GRM1: variants seen among roughly 807,000 people sequenced by gnomAD.
GRM1 encodes glutamate metabotropic receptor 1.
In GRM1, 33 loss-of-function variants were observed where a neutral mutation model predicts 90.9. The ratio of observed to expected loss-of-function variants is 0.36; its 90% confidence interval spans 0.28 to 0.49. The LOEUF (loss-of-function observed/expected upper bound fraction) is 0.49, where lower values mean the gene tolerates loss of function less well. GRM1 is among the 20% of genes least tolerant of loss of function. GRM1 has a pLI of 0.99. For missense variants in GRM1, 1,190 were observed against 1,534.3 expected (o/e 0.78, Z 3.75); for synonymous variants, 700 against 613.2 (o/e 1.14, Z -2.09).
chr6:146,111,030 AGC>A (rs1364855087), intron 1 of GRM1, among the ~76,000 whole-genome samples: 4 of 152,246 alleles, frequency 2.6e-5, no homozygotes, highest in African/African-American at 9.6e-5. Flanking sequence ...GTCCATACAC[AGC>A]TGGCTGCAAG....
chr6:146,055,761 G>A (rs549287418), intron 1 of GRM1, among the ~76,000 whole-genome samples: 35 of 152,204 alleles, frequency 2.3e-4, no homozygotes, highest in African/African-American at 8.4e-4. Context: ...ATAAATGATT[G>A]CCAACTAAAA....
intron 2 of GRM1, among the ~76,000 whole-genome samples, chr6:146,178,339 G>A (rs1778411438): frequency 6.6e-6 from 1 of 152,120 alleles, no homozygotes; most frequent in Non-Finnish European, 1.5e-5. Flanking sequence ...GAGGTAAAGT[G>A]CCATTTTCAT....
At chr6:146,204,341 G>A (rs1335112653) in intron 2 of GRM1, among the ~76,000 whole-genome samples, 3 of 152,170 alleles carry the variant, frequency 2.0e-5, no homozygotes, top group South Asian at 2.1e-4. Flanking sequence ...TTTCCTGAAC[G>A]TTTACGGTTA....
At chr6:146,122,926 C>A (rs1413261880) in intron 1 of GRM1, among the ~76,000 whole-genome samples, 1 of 138,064 alleles carries the variant, frequency 7.2e-6, no homozygotes, top group Non-Finnish European at 1.5e-5. Context: ...CTCACTGCAA[C>A]CTTTGCCTCC....
chr6:146,408,167 C>G (rs947419109), intron 7 of GRM1, among the ~76,000 whole-genome samples: 8 of 152,088 alleles, frequency 5.3e-5, no homozygotes, highest in African/African-American at 1.9e-4. Context: ...AGGGAGGAAG[C>G]AAGCTCTCTC....
At position 146,101,549 on chromosome 6, in the gene GRM1, C is replaced by G. The variant is rs117297128; in HGVS notation, c.701-57799C>G. ...TCTTCCTTCTTACCTTTCAGCCAGT[C>G]ATTTTCCAACCTGCTGCGATTTGAT... On this transcript the variant is annotated intron_variant, in intron 1 of 7. Transcript: ENST00000282753. Among the ~76,000 whole-genome samples, 422 of 152,244 alleles carry G rather than the reference C, an allele frequency of 2.8e-3. 3 individuals are homozygous for G. Among genetic ancestry groups the G allele is most frequent in the Admixed American group, 5.9e-3 (90 of 15,280 alleles).
chr6:146,257,371 C>CA, intron 2 of GRM1, among the ~76,000 whole-genome samples: 2 of 152,090 alleles, frequency 1.3e-5, no homozygotes, highest in Middle Eastern at 6.8e-3. Context: ...AATGAGTGCT[C>CA]ATTAAGTCAC....
chr6:146,189,420 A>G (rs1031107173), intron 2 of GRM1, among the ~76,000 whole-genome samples: 2 of 152,188 alleles, frequency 1.3e-5, no homozygotes, highest in Non-Finnish European at 2.9e-5. Flanking sequence ...GATTCTAAAT[A>G]TGAGCCTAAT....
chr6:146,041,798 G>A (rs1791118996), intron 1 of GRM1, among the ~76,000 whole-genome samples: 1 of 151,978 alleles, frequency 6.6e-6, no homozygotes, highest in Non-Finnish European at 1.5e-5. Context: ...CTGTGAGGAA[G>A]ATGGAAGGCA....
At chr6:146,088,645 CA>C (rs1209853765) in intron 1 of GRM1, among the ~76,000 whole-genome samples, 1 of 152,054 alleles carries the variant, frequency 6.6e-6, no homozygotes, top group Non-Finnish European at 1.5e-5. Context: ...GTCATTGGTC[CA>C]AACACCATGA....
intron 6 of GRM1, among the ~76,000 whole-genome samples, chr6:146,396,611 C>T (rs937939532): frequency 1.3e-5 from 2 of 151,812 alleles, no homozygotes; most frequent in Non-Finnish European, 2.9e-5. Context: ...AACACACAAA[C>T]AAAACAGAAA....
At chr6:146,431,374 G>A (rs1187893857) in intron 7 of GRM1, among the ~76,000 whole-genome samples, 1 of 152,174 alleles carries the variant, frequency 6.6e-6, no homozygotes, top group Non-Finnish European at 1.5e-5. Flanking sequence ...ACTTATGGGT[G>A]CTTTTGATTT....
intron 6 of GRM1, among the ~76,000 whole-genome samples, chr6:146,397,366 C>T (rs1258968307): frequency 2.0e-5 from 3 of 148,808 alleles, no homozygotes; most frequent in African/African-American, 2.5e-5. Context: ...CCCAGCTACT[C>T]GGGAGACTGA....
intron 2 of GRM1, among the ~76,000 whole-genome samples, chr6:146,217,086 C>T (rs975164119): frequency 6.6e-6 from 1 of 152,108 alleles, no homozygotes; most frequent in Non-Finnish European, 1.5e-5. Flanking sequence ...CTTGTGGGAT[C>T]TATACTTAAT....
intron 1 of GRM1, among the ~76,000 whole-genome samples, chr6:146,122,002 T>C (rs1294618589): frequency 6.6e-6 from 1 of 152,164 alleles, no homozygotes; most frequent in Non-Finnish European, 1.5e-5. Flanking sequence ...ACTTTCTGTC[T>C]CGTTGATCCG....
chr6:146,099,684 C>A (rs1445263496), intron 1 of GRM1, among the ~76,000 whole-genome samples: 1 of 152,090 alleles, frequency 6.6e-6, no homozygotes, highest in Non-Finnish European at 1.5e-5. Context: ...TTTTTCTTAA[C>A]CTTAGGTTGG....
Position 146,435,232 on chromosome 6 carries a change from T to A in GRM1, c.*436T>A, listed in dbSNP as rs961436497. On this transcript the variant is annotated 3_prime_UTR_variant, in exon 8 of 8. Coordinates refer to ENST00000282753, the MANE Select transcript of GRM1 (RefSeq NM_001278064.2). ...CCAGTCGGATCATGAGTTCACCTGA[T>A]GGCATTCGGAGTGAGCTGGTGGAGC... The A allele has an allele frequency of 6.2e-6, 2 of 321,222 alleles. No homozygotes were observed. The highest frequency in any genetic ancestry group is 1.2e-5 in the Non-Finnish European group (2 of 166,896). The allele number at this position is 321,222 out of a possible 1,614,324, so 19.9% of individuals were successfully genotyped here.
chr6:146,390,066 T>C (rs1376044776), intron 6 of GRM1, among the ~76,000 whole-genome samples: 1 of 152,084 alleles, frequency 6.6e-6, no homozygotes, highest in East Asian at 1.9e-4. Context: ...GTGTTTGATT[T>C]ATGGGTAATT....
intron 2 of GRM1, among the ~76,000 whole-genome samples, chr6:146,262,754 G>A (rs1781748532): frequency 6.6e-6 from 1 of 151,730 alleles, no homozygotes; most frequent in Non-Finnish European, 1.5e-5. Context: ...GTGGGCAAAT[G>A]ACATGAAGAG....
Sources: gnomAD v4.1 joint callset for allele counts (sites outside exome capture counted in the v4.1 genomes callset) on GRCh38, gnomAD v4.1.1 for gene constraint, MANE v1.5 for transcripts, NCBI Gene and HGNC (gene_info 2026-07-23, HGNC 2026-07-21) for gene names.